DOCK4: variants seen among roughly 807,000 people sequenced by gnomAD.
DOCK4 encodes the protein dedicator of cytokinesis 4.
In DOCK4, 97 loss-of-function variants were observed where a neutral mutation model predicts 268.1. The ratio of observed to expected loss-of-function variants is 0.36; its 90% CI spans 0.31 to 0.43. The LOEUF (loss-of-function observed/expected upper bound fraction) is 0.43. DOCK4 is among the 20% of genes least tolerant of loss of function. The pLI, the probability that DOCK4 is intolerant of heterozygous loss-of-function variation, is 1.00. For missense variants in DOCK4, 2,145 were observed against 2,455.7 expected (o/e 0.87, Z 2.67); for synonymous variants, 954 against 887.2 (o/e 1.08, Z -1.34).
chr7:112,017,028 T>G (rs983119402), intron 1 of DOCK4, among the ~76,000 whole-genome samples: 45 of 152,314 alleles, frequency 3.0e-4, no homozygotes, highest in African/African-American at 9.9e-4. Flanking sequence ...TGAATCAAAC[T>G]CTCTAGCTTC....
rs527531374 is a variant in DOCK4, at chr7:112,133,296, G to A, written c.37+72806C>T. 1.4e-3 allele frequency among the ~76,000 whole-genome samples: 216 copies of A among 152,270 alleles called. 6 individuals are homozygous for A. In the South Asian group the frequency reaches 0.037, roughly 26 times the overall value. On this transcript the variant is annotated intron_variant, in intron 1 of 52. Transcript: ENST00000428084. Reference sequence around the variant, plus strand: ...ACCAAAATAGAGTCCAGGGCTGATCGAGAGAGAATTTACTGTTCCACTCCA... The same window carrying A: ...ACCAAAATAGAGTCCAGGGCTGATCAAGAGAGAATTTACTGTTCCACTCCA...
In DOCK4 at chr7:111,741,082, C is replaced by T; in HGVS notation, c.5040+12G>A. ...GGAATAAACACAACCAGACAAAAAG[C>T]TAATTAAGTACCTGCATGTTAAAGA... On this transcript the variant is annotated intron_variant, in intron 47 of 52. Transcript: ENST00000428084. The T allele has an allele frequency of 6.2e-7, 1 of 1,612,948 alleles. No homozygotes were observed. The highest frequency in any genetic ancestry group is 8.5e-7 in the Non-Finnish European group (1 of 1,179,638).
At chr7:111,904,385 G>A (rs548307769) in intron 13 of DOCK4, among the ~76,000 whole-genome samples, 21 of 152,076 alleles carry the variant, frequency 1.4e-4, no homozygotes, top group African/African-American at 4.1e-4. Flanking sequence ...TATGCTGAGC[G>A]ATAATAGGCA....
At chr7:112,080,394 A>G (rs980722049) in intron 1 of DOCK4, among the ~76,000 whole-genome samples, 2 of 152,204 alleles carry the variant, frequency 1.3e-5, no homozygotes, top group African/African-American at 4.8e-5. Flanking sequence ...ACAAAACTCA[A>G]GTAATTTAAA....
At chr7:111,789,751 T>C (rs892065047) in intron 31 of DOCK4, among the ~76,000 whole-genome samples, 15 of 152,168 alleles carry the variant, frequency 9.9e-5, no homozygotes, top group Non-Finnish European at 1.9e-4. Context: ...TGAGGGAGGC[T>C]TCTTCTGGAG....
intron 1 of DOCK4, among the ~76,000 whole-genome samples, chr7:112,174,721 G>T (rs1586976096): frequency 6.6e-6 from 1 of 151,952 alleles, no homozygotes; most frequent in Non-Finnish European, 1.5e-5. Flanking sequence ...CCTTCATTAT[G>T]ACCCCAAATG....
chr7:112,136,072 C>T (rs1269888525), intron 1 of DOCK4, among the ~76,000 whole-genome samples: 1 of 152,106 alleles, frequency 6.6e-6, no homozygotes, highest in Non-Finnish European at 1.5e-5. Flanking sequence ...GGCCAATTTC[C>T]AAAGATGCAG....
intron 1 of DOCK4, among the ~76,000 whole-genome samples, chr7:112,056,224 T>C (rs1042960995): frequency 1.3e-5 from 2 of 152,070 alleles, no homozygotes; most frequent in Non-Finnish European, 2.9e-5. Flanking sequence ...AGATGTTATT[T>C]GGAAAAGGGG....
chr7:111,756,343 C>T (rs118110424), intron 41 of DOCK4, among the ~76,000 whole-genome samples: 2,468 of 152,110 alleles, frequency 0.016, 26 homozygotes, highest in Middle Eastern at 0.041. Flanking sequence ...GGCGAGACTC[C>T]TTCTCAAAAA....
chr7:111,735,420 G>A (rs954472782), intron 50 of DOCK4, among the ~76,000 whole-genome samples: 1 of 152,228 alleles, frequency 6.6e-6, no homozygotes. Flanking sequence ...TTTACACTGG[G>A]GTGTAAAACT....
intron 1 of DOCK4, among the ~76,000 whole-genome samples, chr7:112,169,661 A>C (rs1453962675): frequency 6.6e-6 from 1 of 151,996 alleles, no homozygotes; most frequent in Non-Finnish European, 1.5e-5. Context: ...TTCTTGTTCC[A>C]CTCCACCTTT....
At chr7:112,153,279 A>T (rs1159800551) in intron 1 of DOCK4, among the ~76,000 whole-genome samples, 1 of 152,218 alleles carries the variant, frequency 6.6e-6, no homozygotes, top group Non-Finnish European at 1.5e-5. Flanking sequence ...ATGCACATTG[A>T]ACATTTTAAA....
At chr7:111,912,885 G>C (rs558270494) in intron 13 of DOCK4, among the ~76,000 whole-genome samples, 59 of 151,240 alleles carry the variant, frequency 3.9e-4, no homozygotes, top group African/African-American at 1.4e-3. Flanking sequence ...AACTTCAAAA[G>C]TTTTTAAAAG....
At chr7:112,066,670 CATATACATATATACATAT>C (rs1490753517) in intron 1 of DOCK4, among the ~76,000 whole-genome samples, 1 of 51,676 alleles carries the variant, frequency 1.9e-5, no homozygotes, top group Non-Finnish European at 3.7e-5. Flanking sequence ...TATACATATA[CATATACATATATACATAT>C]ACATATATAT....
At chr7:111,960,991 G>A (rs1481726023) in intron 8 of DOCK4, among the ~76,000 whole-genome samples, 2 of 152,054 alleles carry the variant, frequency 1.3e-5, no homozygotes, top group African/African-American at 2.4e-5. Context: ...AGTCAACATG[G>A]AAGTGCAGAT....
chr7:111,986,764 AT>A (rs988451087), intron 6 of DOCK4, among the ~76,000 whole-genome samples: 1 of 152,214 alleles, frequency 6.6e-6, no homozygotes, highest in African/African-American at 2.4e-5. Flanking sequence ...GGCAAGAACA[AT>A]TCTTTTGCTG....
At chr7:111,906,923 C>A (rs1323771172) in intron 13 of DOCK4, among the ~76,000 whole-genome samples, 1 of 152,182 alleles carries the variant, frequency 6.6e-6, no homozygotes, top group Non-Finnish European at 1.5e-5. Flanking sequence ...ATCCTCTGAC[C>A]TCCAGAACTG....
intron 15 of DOCK4, among the ~76,000 whole-genome samples, chr7:111,899,264 G>A (rs141318899): frequency 1.3e-5 from 2 of 152,290 alleles, no homozygotes; most frequent in African/African-American, 4.8e-5. Flanking sequence ...CAACATCACT[G>A]TGGTAAATTC....
At chr7:111,742,998 G>GA (rs956769680) in intron 44 of DOCK4, among the ~76,000 whole-genome samples, 27 of 139,122 alleles carry the variant, frequency 1.9e-4, no homozygotes, top group Non-Finnish European at 2.7e-4. Context: ...TCTCCAAAAA[G>GA]AAAAAAAAAA....
Sources: allele counts gnomAD v4.1 joint callset (sites outside exome capture counted in the v4.1 genomes callset), GRCh38; gene constraint gnomAD v4.1.1; transcripts MANE v1.5; gene names NCBI Gene and HGNC (gene_info 2026-07-23, HGNC 2026-07-21).